CCNY: variants seen among roughly 807,000 people sequenced by gnomAD.
The protein encoded by CCNY is cyclin-Y.
CCNY carries 19 observed loss-of-function variants against 42.8 expected under a neutral mutation model. That is an observed-to-expected ratio of 0.44 (90% CI 0.31 to 0.65). The LOEUF is 0.65. CCNY is among the 30% of genes least tolerant of loss of function. The pLI is 0.07. For synonymous variants in CCNY, 165 were observed against 162.7 expected (o/e 1.01, Z -0.11); for missense variants, 370 against 437.3 (o/e 0.85, Z 1.37).
At chr10:35,523,160 G>A (rs1431462156) in intron 4 of CCNY, among the ~76,000 whole-genome samples, 1 of 152,162 alleles carries the variant, frequency 6.6e-6, no homozygotes, top group Non-Finnish European at 1.5e-5. Flanking sequence ...CCTGAACATG[G>A]TCTAGTCGGG....
intron 1 of CCNY, among the ~76,000 whole-genome samples, chr10:35,457,858 G>A (rs1409539484): frequency 6.6e-6 from 1 of 152,202 alleles, no homozygotes; most frequent in African/African-American, 2.4e-5. Flanking sequence ...GGGATTACAG[G>A]CGTGAGCCAC....
At chr10:35,498,091 A>G (rs1393612543) in intron 2 of CCNY, among the ~76,000 whole-genome samples, 1 of 152,210 alleles carries the variant, frequency 6.6e-6, no homozygotes, top group Non-Finnish European at 1.5e-5. Context: ...GTCCTCTCCC[A>G]TGGAGCCACA....
chr10:35,461,333 T>C (rs1839153190), intron 1 of CCNY, among the ~76,000 whole-genome samples: 1 of 152,130 alleles, frequency 6.6e-6, no homozygotes, highest in South Asian at 2.1e-4. Context: ...TGGGAATTTA[T>C]GGCCAAGGAG....
At chr10:35,481,144 A>C (rs529680059) in intron 1 of CCNY, among the ~76,000 whole-genome samples, 1 of 152,370 alleles carries the variant, frequency 6.6e-6, no homozygotes, top group South Asian at 2.1e-4. Context: ...CATACGGTAC[A>C]TCGGTTTCCG....
chr10:35,252,759 C>A (rs566727430), intron 3 of CCNY, among the ~76,000 whole-genome samples: 25 of 152,140 alleles, frequency 1.6e-4, no homozygotes, highest in African/African-American at 6.0e-4. Flanking sequence ...ATGGTTCCAA[C>A]TGCATTGTTG....
At chr10:35,543,893 TTGA>T (rs1841057361) in intron 7 of CCNY, among the ~76,000 whole-genome samples, 1 of 152,198 alleles carries the variant, frequency 6.6e-6, no homozygotes, top group South Asian at 2.1e-4. Flanking sequence ...CTAATGTGTG[TTGA>T]TGTCTTAGTT....
chr10:35,270,764 C>T (rs1429281944), intron 3 of CCNY, among the ~76,000 whole-genome samples: 16 of 132,612 alleles, frequency 1.2e-4, no homozygotes, highest in South Asian at 2.4e-4. Flanking sequence ...CTTGCTCTGT[C>T]GCCTAGGCTG....
At chr10:35,266,558 G>A (rs1465706334) in intron 3 of CCNY, among the ~76,000 whole-genome samples, 1 of 152,044 alleles carries the variant, frequency 6.6e-6, no homozygotes. Context: ...GGATCCTCCT[G>A]TGCTGCAATG....
At position 35,271,850 on chromosome 10, in the gene CCNY, T is replaced by C. The variant is rs1462039715; in HGVS notation, c.-9+21224T>C. On this transcript the variant is annotated intron_variant, in intron 3 of 11. Transcript: ENST00000374706. ...CTCAACTCACATGCTCCTTTCTTTC[T>C]GTTGTACTTGAGGTACAATGCTGGC... Among the ~76,000 whole-genome samples, 8 of 152,212 alleles carry C rather than the reference T, an allele frequency of 5.3e-5. No individual in the cohort carries two copies. In the East Asian group the frequency reaches 1.5e-3, roughly 29 times the overall value.
chr10:35,502,979 A>G (rs1399817306), intron 3 of CCNY, among the ~76,000 whole-genome samples: 1 of 152,190 alleles, frequency 6.6e-6, no homozygotes, highest in Non-Finnish European at 1.5e-5. Context: ...GGTGCATTGA[A>G]GAAAGAGGAG....
At chr10:35,569,005 G>C in intron 9 of CCNY, 49 bp from the exon 10 acceptor site, 1 of 1,246,018 alleles carries the variant, frequency 8.0e-7, no homozygotes. Context: ...GTGAGCAATG[G>C]ACGCAGATAT....
chr10:35,332,848 C>T (rs768562368), upstream of CCNY, among the ~76,000 whole-genome samples: 5 of 152,210 alleles, frequency 3.3e-5, no homozygotes, highest in African/African-American at 1.2e-4. Context: ...TCGTGATCCA[C>T]TCACCTCAGC....
intron 1 of CCNY, among the ~76,000 whole-genome samples, chr10:35,412,330 G>A (rs1207962998): frequency 6.6e-6 from 1 of 152,162 alleles, no homozygotes; most frequent in Non-Finnish European, 1.5e-5. Flanking sequence ...ATTGTGCTAA[G>A]GCATGGAGGA....
At chr10:35,395,439 G>A (rs1837502754) in intron 1 of CCNY, among the ~76,000 whole-genome samples, 2 of 152,184 alleles carry the variant, frequency 1.3e-5, no homozygotes, top group East Asian at 3.9e-4. Flanking sequence ...GAAATTACTA[G>A]AGGTAACCTC....
At chr10:35,308,904 A>T (rs965689555) in intron 3 of CCNY, among the ~76,000 whole-genome samples, 1 of 152,056 alleles carries the variant, frequency 6.6e-6, no homozygotes, top group Non-Finnish European at 1.5e-5. Context: ...TCAATTAGAG[A>T]GGGAGGGTGA....
At chr10:35,365,565 A>G (rs536800749) in intron 1 of CCNY, among the ~76,000 whole-genome samples, 2 of 152,254 alleles carry the variant, frequency 1.3e-5, no homozygotes, top group Admixed American at 1.3e-4. Context: ...GCAAATTAGG[A>G]TGTTTTTGGT....
intron 1 of CCNY, among the ~76,000 whole-genome samples, chr10:35,367,751 T>C (rs1410132228): frequency 6.6e-6 from 1 of 152,194 alleles, no homozygotes; most frequent in East Asian, 1.9e-4. Context: ...TTAGAGACTA[T>C]TGCAGGTCTG....
intron 1 of CCNY, among the ~76,000 whole-genome samples, chr10:35,364,762 T>A (rs1299690264): frequency 6.6e-6 from 1 of 152,234 alleles, no homozygotes; most frequent in Non-Finnish European, 1.5e-5. Context: ...TGGATTAGCC[T>A]AATAGCTCAT....
intron 3 of CCNY, among the ~76,000 whole-genome samples, chr10:35,281,976 C>T (rs1835302987): frequency 1.3e-5 from 2 of 152,114 alleles, no homozygotes; most frequent in Non-Finnish European, 2.9e-5. Context: ...CTTCCTAGAA[C>T]TCTTGGCAGC....
Sources: gnomAD v4.1 joint callset for allele counts (sites outside exome capture counted in the v4.1 genomes callset) on GRCh38, gnomAD v4.1.1 for gene constraint, MANE v1.5 for transcripts, NCBI Gene and HGNC (gene_info 2026-07-23, HGNC 2026-07-21) for gene names.